The following RGPD8 variants were observed in gnomAD, a reference collection of about 807,000 sequenced individuals.
RGPD8 encodes RANBP2 like and GRIP domain containing 8, also known as RANBP2-like and GRIP domain-containing protein 8.
A neutral mutation model predicts 89.1 loss-of-function variants in RGPD8; 15 were observed. That is an observed-to-expected ratio of 0.17 (90% CI 0.11 to 0.26). The LOEUF is 0.26. Among genes scored for constraint, RGPD8 ranks in the 10% least tolerant of loss-of-function variants. The pLI is 1.00. For missense variants in RGPD8, 178 were observed against 1,179.6 expected (o/e 0.15, Z 12.44); for synonymous variants, 62 against 420.9 (o/e 0.15, Z 10.44).
chr2:112,382,336 AAAGAAATT>A (rs1457998473), intron 20 of RGPD8, among the ~76,000 whole-genome samples: 1 of 151,034 alleles, frequency 6.6e-6, no homozygotes, highest in Non-Finnish European at 1.5e-5. Flanking sequence ...TGGAATATTG[AAAGAAATT>A]TTATTGGAGC....
At chr2:112,414,969 G>C (rs1289048615) in intron 6 of RGPD8, among the ~76,000 whole-genome samples, 1 of 128,910 alleles carries the variant, frequency 7.8e-6, no homozygotes, top group Non-Finnish European at 1.6e-5. Context: ...GCAGTGAGCC[G>C]AGATGGCGCC....
intron 1 of RGPD8, among the ~76,000 whole-genome samples, chr2:112,430,382 G>T (rs931489365): frequency 1.3e-5 from 2 of 152,058 alleles, no homozygotes; most frequent in African/African-American, 4.8e-5. Context: ...ACATGTTCCA[G>T]TTACTCACTA....
intron 1 of RGPD8, among the ~76,000 whole-genome samples, chr2:112,426,598 C>T (rs1326077454): frequency 2.0e-5 from 3 of 146,436 alleles, no homozygotes; most frequent in Non-Finnish European, 4.5e-5. Flanking sequence ...CATTTACAAT[C>T]GCATCTAAAA....
At chr2:112,428,445 T>G (rs867193504) in intron 1 of RGPD8, among the ~76,000 whole-genome samples, 3 of 149,508 alleles carry the variant, frequency 2.0e-5, no homozygotes, top group East Asian at 3.9e-4. Context: ...CTCTGTCCCA[T>G]AACAAAAACA....
At chr2:112,422,347 A>G (rs1422899817) in intron 3 of RGPD8, among the ~76,000 whole-genome samples, 5 of 150,388 alleles carry the variant, frequency 3.3e-5, no homozygotes, top group African/African-American at 1.2e-4. Flanking sequence ...ACAAAAGAAC[A>G]CCATTTCTGA....
chr2:112,432,104 T>G (rs529631279), intron 1 of RGPD8, among the ~76,000 whole-genome samples: 31 of 152,306 alleles, frequency 2.0e-4, no homozygotes, highest in Non-Finnish European at 3.7e-4. Context: ...ATACCCAGCT[T>G]ATAAACGACA....
chr2:112,426,831 T>A (rs1376499622), intron 1 of RGPD8, among the ~76,000 whole-genome samples: 3 of 141,474 alleles, frequency 2.1e-5, no homozygotes, highest in Non-Finnish European at 3.1e-5. Flanking sequence ...CCCTTCCTTT[T>A]TTTTTTTTTT....
intron 9 of RGPD8, among the ~76,000 whole-genome samples, chr2:112,402,495 C>CAAGAAAAAAGAAAAGAA (rs1553503523): frequency 1.0e-3 from 148 of 147,068 alleles, no homozygotes; most frequent in Non-Finnish European, 1.6e-3. Flanking sequence ...GTCTCAAAAA[C>CAAGAAAAAAGAAAAGAA]AAGAAAAGAA....
intron 20 of RGPD8, among the ~76,000 whole-genome samples, chr2:112,382,070 A>C (rs1306046067): frequency 1.3e-5 from 2 of 151,710 alleles, no homozygotes; most frequent in African/African-American, 4.8e-5. Context: ...CAGGCAGAAA[A>C]ACCTGAAAAG....
intron 1 of RGPD8, among the ~76,000 whole-genome samples, chr2:112,426,185 T>C (rs535792405): frequency 7.0e-4 from 106 of 152,336 alleles, no homozygotes; most frequent in African/African-American, 2.3e-3. Flanking sequence ...CTCTGGCATA[T>C]GTGAACTGCC....
intron 20 of RGPD8, chr2:112,384,352 T>TC (rs1172430540): frequency 0.02 from 1,170 of 58,088 alleles, no homozygotes; most frequent in Admixed American, 0.054. Flanking sequence ...GAACTAAAAC[T>TC]CCAACTAATT....
chr2:112,430,455 A>C (rs1041110184), intron 1 of RGPD8, among the ~76,000 whole-genome samples: 10 of 101,648 alleles, frequency 9.8e-5, no homozygotes, highest in Non-Finnish European at 1.7e-4. Context: ...TTTGGGGGGG[A>C]AAAAAAGACT....
At chr2:112,432,684 A>G in intron 1 of RGPD8, 6 of 985,278 alleles carry the variant, frequency 6.1e-6, no homozygotes, top group South Asian at 4.7e-5. Flanking sequence ...CGGGTGCCCA[A>G]GCCCCCGAGA....
intron 18 of RGPD8, among the ~76,000 whole-genome samples, 188 bp from the exon 19 acceptor site, chr2:112,391,257 G>C (rs1347886190): frequency 6.7e-6 from 1 of 149,018 alleles, no homozygotes; most frequent in African/African-American, 2.4e-5. Context: ...GAAAAAAATT[G>C]CTAAATATGA....
intron 1 of RGPD8, among the ~76,000 whole-genome samples, chr2:112,430,038 A>C (rs1270850118): frequency 3.9e-5 from 6 of 152,228 alleles, no homozygotes; most frequent in South Asian, 4.1e-4. Flanking sequence ...CGGCCTCCCA[A>C]AGTGCTCGGA....
chr2:112,433,561 C>G lies in RGPD8; in HGVS notation c.-108G>C. 2.5e-6 allele frequency: 3 copies of G among 1,176,822 alleles called. No individual in the cohort carries two copies. The highest frequency in any genetic ancestry group is 2.4e-6 in the Non-Finnish European group (2 of 849,852). The allele number at this position is 1,176,822 out of a possible 1,614,324, so 72.9% of individuals were successfully genotyped here. On this transcript the variant is annotated 5_prime_UTR_variant, in exon 1 of 23. Coordinates refer to ENST00000302558, the MANE Select transcript of RGPD8 (RefSeq NM_001164463.1). ...GCAAGCCACTGAAGCAGCGGCGTAG[C>G]CGGCGGAGGCCCACTGTGACGAGCG...
At chr2:112,430,661 G>C (rs1417743333) in intron 1 of RGPD8, among the ~76,000 whole-genome samples, 1 of 148,208 alleles carries the variant, frequency 6.7e-6, no homozygotes, top group Non-Finnish European at 1.5e-5. Flanking sequence ...TTTTTTTTAA[G>C]CTTGTTTAAA....
intron 4 of RGPD8, among the ~76,000 whole-genome samples, chr2:112,419,710 G>A (rs1294537305): frequency 3.9e-4 from 56 of 144,378 alleles, no homozygotes; most frequent in African/African-American, 1.4e-3. Flanking sequence ...AGAATCTCCT[G>A]CCATTACATA....
Position 112,422,536 on chromosome 2 carries a change from C to A in RGPD8, c.252+12G>T, listed in dbSNP as rs1679599825. 1 of 1,610,302 alleles carries A rather than the reference C, an allele frequency of 6.2e-7. No homozygotes were observed. Among genetic ancestry groups the A allele is most frequent in the South Asian group, 1.1e-5 (1 of 90,816 alleles). Reference sequence around the variant, plus strand: ...GGCTATGCAAAGGCTATATTTGAATCCTATAACTTACCCTGTAACATTCAA... The same window carrying A: ...GGCTATGCAAAGGCTATATTTGAATACTATAACTTACCCTGTAACATTCAA... On this transcript the variant is annotated intron_variant, in intron 3 of 22. Coordinates refer to ENST00000302558, the MANE Select transcript of RGPD8 (RefSeq NM_001164463.1).
Sources: allele counts gnomAD v4.1 joint callset (sites outside exome capture counted in the v4.1 genomes callset), GRCh38; gene constraint gnomAD v4.1.1; transcripts MANE v1.5; gene names NCBI Gene and HGNC (gene_info 2026-07-23, HGNC 2026-07-21).